SLX4IP: variants seen among roughly 807,000 people sequenced by gnomAD.
SLX4IP encodes protein SLX4IP.
Under a neutral mutation model 32.9 loss-of-function variants are expected in SLX4IP, and 34 were observed. The observed-to-expected ratio is 1.03, with a 90% CI of 0.79 to 1.38. The LOEUF is 1.38. Ranked by LOEUF, SLX4IP falls within the 40% of genes most tolerant of loss-of-function variation. The probability of loss-of-function intolerance (pLI) is 0.00; values close to 1 mark genes in which losing one functional copy is unlikely to be tolerated. For synonymous variants in SLX4IP, 172 were observed against 171.7 expected, an observed-to-expected ratio of 1.00 and a Z score of -0.01; for missense variants, 444 against 479.0, an observed-to-expected ratio of 0.93 and a Z score of 0.68.
At chr20:10,504,318 A>G (rs1296732632) in intron 2 of SLX4IP, among the ~76,000 whole-genome samples, 3 of 152,134 alleles carry the variant, frequency 2.0e-5, no homozygotes, top group Admixed American at 6.5e-5. Context: ...TGAATAGAGA[A>G]TGCCCTGAAA....
chr20:10,528,762 G>C (rs531801706), intron 2 of SLX4IP, among the ~76,000 whole-genome samples: 6 of 152,312 alleles, frequency 3.9e-5, no homozygotes, highest in African/African-American at 1.4e-4. Context: ...CCCAACCAGA[G>C]TGGCTGGCCA....
At chr20:10,442,516 T>G (rs552977923) in intron 1 of SLX4IP, among the ~76,000 whole-genome samples, 1 of 152,340 alleles carries the variant, frequency 6.6e-6, no homozygotes, top group South Asian at 2.1e-4. Context: ...GAGGCATCAT[T>G]TGTAAGTTAT....
chr20:10,536,089 C>T (rs2066041021), intron 2 of SLX4IP, among the ~76,000 whole-genome samples: 1 of 152,202 alleles, frequency 6.6e-6, no homozygotes, highest in Non-Finnish European at 1.5e-5. Flanking sequence ...TAGAATGGCT[C>T]TTACGGTATC....
At chr20:10,512,192 A>G (rs1205645858) in intron 2 of SLX4IP, among the ~76,000 whole-genome samples, 1 of 152,214 alleles carries the variant, frequency 6.6e-6, no homozygotes, top group African/African-American at 2.4e-5. Context: ...GTGTTCTAGT[A>G]AAATGTTATT....
chr20:10,561,102 G>A (rs1037235979), intron 4 of SLX4IP, among the ~76,000 whole-genome samples: 3 of 152,020 alleles, frequency 2.0e-5, no homozygotes, highest in Non-Finnish European at 2.9e-5. Flanking sequence ...TTTATTTTTA[G>A]TAGACTTAAT....
chr20:10,520,211 C>T (rs1471328545), intron 2 of SLX4IP, among the ~76,000 whole-genome samples: 6 of 151,926 alleles, frequency 3.9e-5, no homozygotes, highest in African/African-American at 1.5e-4. Flanking sequence ...CCACCATGCC[C>T]GGCTAATTTT....
intron 1 of SLX4IP, among the ~76,000 whole-genome samples, chr20:10,442,654 T>C (rs2065169091): frequency 6.6e-6 from 1 of 152,252 alleles, no homozygotes; most frequent in Non-Finnish European, 1.5e-5. Context: ...GAATTTAGAC[T>C]TGAATTGCCA....
At position 10,625,617 on chromosome 20, in the gene SLX4IP, G is replaced by A. The variant is rs1185192080; in HGVS notation, c.*2238G>A. 6.6e-6 allele frequency: 1 copy of A among 152,178 alleles called. No homozygotes were observed. Among genetic ancestry groups the A allele is most frequent in the Admixed American group, 6.5e-5 (1 of 15,280 alleles). 9.4% of individuals were successfully genotyped at this position (152,178 alleles called of 1,614,324 possible). On this transcript the variant is annotated 3_prime_UTR_variant, in exon 8 of 8. Coordinates refer to ENST00000334534, the MANE Select transcript of SLX4IP (RefSeq NM_001009608.3). ...TGTACTTAGAATGATTCTCTGTCAG[G>A]AAAAGTCTTGGCTTTAGAGTTTGTT...
At chr20:10,619,069 T>A (rs745926025) in intron 6 of SLX4IP, among the ~76,000 whole-genome samples, 1 of 151,420 alleles carries the variant, frequency 6.6e-6, no homozygotes, top group Non-Finnish European at 1.5e-5. Context: ...GAAGAGGGAG[T>A]CTAATCTTTT....
chr20:10,492,220 C>A (rs1341809984), intron 2 of SLX4IP, among the ~76,000 whole-genome samples: 1 of 152,164 alleles, frequency 6.6e-6, no homozygotes, highest in Non-Finnish European at 1.5e-5. Context: ...CACAGAAATA[C>A]TGGCTGCTGT....
intron 2 of SLX4IP, among the ~76,000 whole-genome samples, chr20:10,490,893 T>C (rs2065616773): frequency 6.6e-6 from 1 of 152,162 alleles, no homozygotes; most frequent in African/African-American, 2.4e-5. Context: ...CAACTTGTTT[T>C]CTGCTACAAC....
At chr20:10,548,740 A>G (rs1009049894) in intron 2 of SLX4IP, among the ~76,000 whole-genome samples, 2 of 152,186 alleles carry the variant, frequency 1.3e-5, no homozygotes, top group African/African-American at 4.8e-5. Flanking sequence ...TGTTTCCAGA[A>G]CGCCAAGGGG....
chr20:10,508,984 C>A (rs1340694584), intron 2 of SLX4IP, among the ~76,000 whole-genome samples: 1 of 152,158 alleles, frequency 6.6e-6, no homozygotes, highest in African/African-American at 2.4e-5. Context: ...GGATTTATGG[C>A]CTTCCCAAGA....
chr20:10,512,720 A>C (rs2065818216), intron 2 of SLX4IP, among the ~76,000 whole-genome samples: 1 of 119,382 alleles, frequency 8.4e-6, no homozygotes, highest in Admixed American at 9.5e-5. Context: ...TATATATTTT[A>C]TATATAGTAT....
chr20:10,569,329 G>A (rs1174420215), intron 4 of SLX4IP, among the ~76,000 whole-genome samples: 1 of 152,098 alleles, frequency 6.6e-6, no homozygotes, highest in Non-Finnish European at 1.5e-5. Context: ...GGGATTACAG[G>A]TGCGTGCCAC....
chr20:10,485,509 C>T (rs2065564195), intron 2 of SLX4IP, among the ~76,000 whole-genome samples: 1 of 151,878 alleles, frequency 6.6e-6, no homozygotes, highest in South Asian at 2.1e-4. Flanking sequence ...CCCAGCTACT[C>T]AGAAGACTGA....
chr20:10,560,558 G>A (rs1173151085), intron 3 of SLX4IP, 142 bp from the exon 4 acceptor site: 2 of 595,880 alleles, frequency 3.4e-6, no homozygotes, highest in Non-Finnish European at 5.2e-6. Context: ...TTATTCATGA[G>A]CACATATGAC....
intron 2 of SLX4IP, among the ~76,000 whole-genome samples, chr20:10,555,505 C>T (rs1862912841): frequency 6.6e-6 from 1 of 152,166 alleles, no homozygotes; most frequent in Non-Finnish European, 1.5e-5. Flanking sequence ...ACAATAGCCA[C>T]ATTTTAAGTG....
chr20:10,453,307 C>CGTGTGTATGTATGT, intron 1 of SLX4IP, among the ~76,000 whole-genome samples: 1 of 142,966 alleles, frequency 7.0e-6, no homozygotes, highest in East Asian at 2.1e-4. Flanking sequence ...AAAACTCATC[C>CGTGTGTATGTATGT]GTGTGTGTGT....
Sources: gnomAD v4.1 joint callset for allele counts (sites outside exome capture counted in the v4.1 genomes callset) on GRCh38, gnomAD v4.1.1 for gene constraint, MANE v1.5 for transcripts, NCBI Gene and HGNC (gene_info 2026-07-23, HGNC 2026-07-21) for gene names.